Variants in LOXL4 observed in about 807,000 individuals in gnomAD.
The protein encoded by LOXL4 is lysyl oxidase homolog 4.
LOXL4 carries 72 observed loss-of-function variants against 89.1 expected under a neutral mutation model. The observed-to-expected ratio is 0.81, with a 90% confidence interval of 0.67 to 0.98. The LOEUF (loss-of-function observed/expected upper bound fraction) is 0.98, where lower values mean the gene tolerates loss of function less well. Among genes scored for constraint, LOXL4 ranks in the 50% least tolerant of loss-of-function variants. The pLI is 0.00. For synonymous variants in LOXL4, 355 were observed against 392.1 expected, an observed-to-expected ratio of 0.91 and a Z score of 1.12; for missense variants, 984 against 1,017.5, an observed-to-expected ratio of 0.97 and a Z score of 0.45.
intron 14 of LOXL4, 87 bp from the exon 15 acceptor site, chr10:98,249,078 C>G (rs1858117091): frequency 9.8e-7 from 1 of 1,020,126 alleles, no homozygotes; most frequent in South Asian, 1.4e-5. Context: ...CTCTGCCCAG[C>G]TCATCCTTTA....
In LOXL4 at chr10:98,255,725, C is replaced by T. The variant is rs768507892; in HGVS notation, c.1443G>A (p.Trp481Ter). 1 of 1,611,064 alleles carries T rather than the reference C, an allele frequency of 6.2e-7. No homozygotes were observed. Among genetic ancestry groups the T allele is most frequent in the Admixed American group, 1.7e-5 (1 of 59,948 alleles). ...CCTCCTGGGCCCTTGGCGTCCCCGACCAGAACCAGGTTTCCTAAGAAGACA... is the reference window on the plus strand; with the variant it reads ...CCTCCTGGGCCCTTGGCGTCCCCGATCAGAACCAGGTTTCCTAAGAAGACA... ...AIHAYKETWF[W>*]SGTPRAQEVV... The change falls in exon 10 of 15, where the codon TGG (tryptophan) becomes TGA (stop). Residue 481 changes from tryptophan to a stop codon, truncating the protein, a stop_gained. Transcript: ENST00000260702. LOFTEE classifies it high-confidence loss of function.
intron 10 of LOXL4, 122 bp from the exon 11 acceptor site, chr10:98,253,918 G>T: frequency 7.8e-7 from 1 of 1,284,184 alleles, no homozygotes; most frequent in Non-Finnish European, 1.1e-6. Context: ...ACAAAAGAAG[G>T]GCAGTTTTAA....
At position 98,258,948 on chromosome 10, in the gene LOXL4, C is replaced by A. The variant is rs1858459295; in HGVS notation, c.921+61G>T. On this transcript the variant is annotated intron_variant, in intron 6 of 14. Transcript: ENST00000260702. ...TCCTGGACCTCCCCGCACCCCCCACCAGGCAGTGTCCCGCCCGTGCCTCCA... is the reference window on the plus strand; with the variant it reads ...TCCTGGACCTCCCCGCACCCCCCACAAGGCAGTGTCCCGCCCGTGCCTCCA... 6 of 1,369,516 alleles carry A rather than the reference C, an allele frequency of 4.4e-6. No homozygotes were observed. The South Asian group carries it at 8.6e-5, about 20-fold the overall frequency. The allele number at this position is 1,369,516 out of a possible 1,614,324, so 84.8% of individuals were successfully genotyped here.
chr10:98,268,011 G>C (rs1858721488), intron 1 of LOXL4, 121 bp downstream of exon 1: 1 of 152,456 alleles, frequency 6.6e-6, no homozygotes, highest in South Asian at 2.1e-4. Context: ...GATCCCCCAT[G>C]CACCCTAGGC....
Position 98,256,773 on chromosome 10 carries a change from G to C in LOXL4, c.1428+7C>G, listed in dbSNP as rs1858378420. ...GGTCATACGGAAGAAACAACAGAGG[G>C]ACCTACCTTGTAGGCATGGATGGCA... On this transcript the variant is annotated splice_region_variant and intron_variant, in intron 9 of 14. Transcript: ENST00000260702. 1 of 1,613,984 alleles carries C rather than the reference G, an allele frequency of 6.2e-7. No homozygotes were observed. The highest frequency in any genetic ancestry group is 8.5e-7 in the Non-Finnish European group (1 of 1,180,028).
At chr10:98,257,932 C>T (rs1858426981) in intron 7 of LOXL4, 49 bp downstream of exon 7, 4 of 1,600,770 alleles carry the variant, frequency 2.5e-6, no homozygotes, top group African/African-American at 1.3e-5. Context: ...AAGACATGGA[C>T]CAGTGGCATA....
chr10:98,256,823 G>A lies in LOXL4; in HGVS notation c.1385C>T (p.Ala462Val), dbSNP rs753461943. The A allele has an allele frequency of 9.3e-6, 15 of 1,614,130 alleles. No homozygotes were observed. Among genetic ancestry groups the A allele is most frequent in the Non-Finnish European group, 1.3e-5 (15 of 1,180,032 alleles). ...AAAACCCAGGCCGAGCTGTCGGCAG[G>A]CCACCATGGCTTCGGTGAGCCCCCA... ...ENWGLTEAMVACRQLGLGFAI... is the reference protein window; with the variant it reads ...ENWGLTEAMVVCRQLGLGFAI... The change falls in exon 9 of 15, where the codon GCC becomes GTC. Residue 462 changes from alanine to valine, a missense_variant. Ala to Val is a moderately conservative substitution (Grantham distance 64). Transcript: ENST00000260702.
Position 98,263,711 on chromosome 10 carries a change from T to C in LOXL4, c.-32-660A>G, listed in dbSNP as rs990959444. Among the ~76,000 whole-genome samples the C allele has an allele frequency of 2.0e-5, 3 of 152,026 alleles. No homozygotes were observed. In the East Asian group the frequency reaches 5.8e-4, roughly 29 times the overall value. On this transcript the variant is annotated intron_variant, in intron 1 of 14. Coordinates refer to ENST00000260702, the MANE Select transcript of LOXL4 (RefSeq NM_032211.7). The stretch of plus-strand genomic sequence containing the variant: ...AACTCTCTAGGTCCTGACTCTTTCT[T>C]TCTTTTTTCTTTCTTTCTTTCTTTT...
chr10:98,256,930 C>G lies in LOXL4; in HGVS notation c.1278G>C (p.Gly426=). 6.2e-7 allele frequency: 1 copy of G among 1,614,110 alleles called. No homozygotes were observed. The highest frequency in any genetic ancestry group is 1.7e-5 in the Admixed American group (1 of 60,020). Residue 426 remains glycine (G), a synonymous_variant, in exon 9 of 15, where the codon GGG becomes GGC. Coordinates refer to ENST00000260702, the MANE Select transcript of LOXL4 (RefSeq NM_032211.7). ...CCAATAGCCCCTCCTCAGGGATACG[C>G]CCACCAGCCAAGCGCACCTGCAATG... ...GFQNQVRLAG[G]RIPEEGLLEV...
intron 14 of LOXL4, 136 bp from the exon 15 acceptor site, chr10:98,249,127 A>G: frequency 1.5e-6 from 1 of 678,750 alleles, no homozygotes; most frequent in South Asian, 1.8e-5. Context: ...CAATCATTTT[A>G]TAGAAATAGG....
At position 98,248,704 on chromosome 10, in the gene LOXL4, A is replaced by G. The variant is rs1485658545; in HGVS notation, c.*217T>C. ...GAGCAAAGCCTGGAGGACATATTCC[A>G]TAGGCCACAGGCCCTTAGGGGCAGG... On this transcript the variant is annotated 3_prime_UTR_variant, in exon 15 of 15. Coordinates refer to ENST00000260702, the MANE Select transcript of LOXL4 (RefSeq NM_032211.7). 9 of 531,072 alleles carry G rather than the reference A, an allele frequency of 1.7e-5. No homozygotes were observed. Among genetic ancestry groups the G allele is most frequent in the Non-Finnish European group, 2.7e-5 (8 of 297,068 alleles). 32.9% of individuals were successfully genotyped at this position (531,072 alleles called of 1,614,324 possible).
chr10:98,257,621 C>T, intron 8 of LOXL4, 29 bp downstream of exon 8: 1 of 1,604,248 alleles, frequency 6.2e-7, no homozygotes, highest in Non-Finnish European at 8.5e-7. Flanking sequence ...CGGCCCCCAG[C>T]CTGAGGCCAT....
chr10:98,255,360 A>T (rs897723645), intron 10 of LOXL4, among the ~76,000 whole-genome samples: 2 of 151,978 alleles, frequency 1.3e-5, no homozygotes, highest in Admixed American at 6.5e-5. Context: ...GTGCTTCCTC[A>T]TGTTCTCAGT....
chr10:98,259,120 GC>G lies in LOXL4; in HGVS notation c.809del (p.Gly270AlafsTer59), dbSNP rs1312736753. 1.2e-6 allele frequency: 2 copies of G among 1,609,276 alleles called. No homozygotes were observed. Among genetic ancestry groups the G allele is most frequent in the Admixed American group, 3.4e-5 (2 of 59,690 alleles). ...NCQVQVAPAR[G>X]KLRPACPGGM... Reference sequence around the variant, plus strand: ...CACCTGGGCAGGCTGGCCGCAGCTTGCCCCGGGCTGGAGCCACCTGCACCTG... The same window carrying G: ...CACCTGGGCAGGCTGGCCGCAGCTTGCCCGGGCTGGAGCCACCTGCACCTG... On this transcript the variant is annotated frameshift_variant, in exon 6 of 15. Transcript: ENST00000260702. LOFTEE classifies it high-confidence loss of function.
At chr10:98,250,937 C>T in intron 14 of LOXL4, 128 bp downstream of exon 14, 2 of 674,162 alleles carry the variant, frequency 3.0e-6, no homozygotes, top group Admixed American at 2.3e-5. Flanking sequence ...ATCTCTGTTC[C>T]ATCCATAGCC....
intron 2 of LOXL4, among the ~76,000 whole-genome samples, 177 bp downstream of exon 2, chr10:98,262,566 C>G (rs1019795342): frequency 3.3e-5 from 5 of 152,080 alleles, no homozygotes; most frequent in Admixed American, 3.3e-4. Flanking sequence ...GGCCTTATTA[C>G]AAGAGAGAAT....
intron 6 of LOXL4, 76 bp downstream of exon 6, chr10:98,258,933 C>T (rs991622799): frequency 1.6e-6 from 2 of 1,250,710 alleles, no homozygotes. Flanking sequence ...TCCTGGACCT[C>T]CCCGCACCCC....
In LOXL4 at chr10:98,256,813, C is replaced by G. The variant is rs1468325557; in HGVS notation, c.1395G>C (p.Gln465His). The G allele has an allele frequency of 1.2e-6, 2 of 1,614,018 alleles. No individual in the cohort carries two copies. Among genetic ancestry groups the G allele is most frequent in the Admixed American group, 3.3e-5 (2 of 60,010 alleles). The change falls in exon 9 of 15, where the codon CAG (glutamine) becomes CAC (histidine). Residue 465 changes from glutamine to histidine, a missense_variant. Transcript: ENST00000260702. ...CATGGATGGCAAAACCCAGGCCGAG[C>G]TGTCGGCAGGCCACCATGGCTTCGG... The part of the protein sequence containing the change: ...GLTEAMVACR[Q>H]LGLGFAIHAY...
chr10:98,252,526 G>T, intron 11 of LOXL4, 58 bp from the exon 12 acceptor site: 1 of 1,219,564 alleles, frequency 8.2e-7, no homozygotes, highest in South Asian at 1.3e-5. Context: ...CTCTCTGGAG[G>T]GGCTGGTAGG....
Sources: gnomAD v4.1 joint callset for allele counts (sites outside exome capture counted in the v4.1 genomes callset) on GRCh38, gnomAD v4.1.1 for gene constraint, MANE v1.5 for transcripts, NCBI Gene and HGNC (gene_info 2026-07-23, HGNC 2026-07-21) for gene names.